The following TNRC18 variants were observed in gnomAD, a reference collection of about 807,000 sequenced individuals.
TNRC18 encodes the protein trinucleotide repeat containing 18, also known as trinucleotide repeat-containing gene 18 protein.
A neutral mutation model predicts 226.7 loss-of-function variants in TNRC18; 69 were observed. That is an observed-to-expected ratio of 0.30 (90% CI 0.25 to 0.37). The LOEUF is 0.37. Ranked by LOEUF, TNRC18 falls within the 10% of genes least tolerant of loss-of-function variation. TNRC18 has a pLI of 1.00. For synonymous variants in TNRC18, 2,449 were observed against 1,927.6 expected, an observed-to-expected ratio of 1.27 and a Z score of -7.09; for missense variants, 4,754 against 4,256.6, an observed-to-expected ratio of 1.12 and a Z score of -3.25.
intron 18 of TNRC18, among the ~76,000 whole-genome samples, chr7:5,334,870 T>C (rs77232191): frequency 0.025 from 3,733 of 152,200 alleles, 93 homozygotes; most frequent in Admixed American, 0.07. Context: ...CCCTGCACCC[T>C]CTACCCTGGC....
intron 15 of TNRC18, among the ~76,000 whole-genome samples, chr7:5,357,516 T>C (rs1792572029): frequency 6.6e-6 from 1 of 152,060 alleles, no homozygotes; most frequent in Admixed American, 6.6e-5. Context: ...GGTCCAAGCA[T>C]TTCTCCTGCC....
rs1319180321 is a variant in TNRC18 at position 5,389,463 on chromosome 7, T to TTTTTTGTTTTTTTTTTGTTTGTTTG, written c.488-128_488-127insCAAACAAACAAAAAAAAAACAAAAA. 4.7e-6 allele frequency: 5 copies of TTTTTTGTTTTTTTTTTGTTTGTTTG among 1,068,444 alleles called. No homozygotes were observed. The East Asian group carries it at 2.2e-4, about 46-fold the overall frequency. 66.2% of individuals were successfully genotyped at this position (1,068,444 alleles called of 1,614,324 possible). A position where few individuals can be genotyped will look rare whatever the true frequency, so the allele number is the denominator to read the frequency against. On this transcript the variant is annotated intron_variant, in intron 4 of 29. Transcript: ENST00000430969. ...CCTCCCCCAGTGTTTTGGTTTTGGTTTTTTTTTTCAGAAAGAGTCTCGCTC... is the reference window on the plus strand; with the variant it reads ...CCTCCCCCAGTGTTTTGGTTTTGGTTTTTTTGTTTTTTTTTTGTTTGTTTGTTTTTTTTCAGAAAGAGTCTCGCTC...
chr7:5,373,275 G>A (rs1372542216), intron 10 of TNRC18, among the ~76,000 whole-genome samples: 2 of 152,178 alleles, frequency 1.3e-5, no homozygotes, highest in African/African-American at 4.8e-5. Flanking sequence ...AGTGAGCTGT[G>A]ATTGTACCAC....
intron 2 of TNRC18, among the ~76,000 whole-genome samples, chr7:5,414,326 T>C (rs1156367029): frequency 6.6e-6 from 1 of 150,920 alleles, no homozygotes; most frequent in Admixed American, 6.6e-5. Flanking sequence ...TTTATAGATA[T>C]AAAATAGATA....
rs565041989 is a variant in TNRC18 at position 5,345,538 on chromosome 7, C to T, written c.5719+24G>A. Reference sequence around the variant, plus strand: ...GTCCGCCCCTCCCACCCACCCCCACCGCAGCCCACCTGCTGCCACTTACCC... The same window carrying T: ...GTCCGCCCCTCCCACCCACCCCCACTGCAGCCCACCTGCTGCCACTTACCC... On this transcript the variant is annotated intron_variant, in intron 18 of 29. Coordinates refer to ENST00000430969, the MANE Select transcript of TNRC18 (RefSeq NM_001080495.3). 4.2e-4 allele frequency: 564 copies of T among 1,358,180 alleles called. 5 individuals carry two copies. The South Asian group carries it at 8.3e-3, about 20-fold the overall frequency. The allele number at this position is 1,358,180 out of a possible 1,614,324, so 84.1% of individuals were successfully genotyped here. A position where few individuals can be genotyped will look rare whatever the true frequency, so the allele number is the denominator to read the frequency against.
In TNRC18 at chr7:5,342,685, A is replaced by T. The variant is rs148048415; in HGVS notation, c.5719+2877T>A. On this transcript the variant is annotated intron_variant, in intron 18 of 29. Coordinates refer to ENST00000430969, the MANE Select transcript of TNRC18 (RefSeq NM_001080495.3). ...ATCTACTCCTGGTGAAGATGCTGTG[A>T]ACACTGTTGAAATGACAAAGGATTT... 2.6e-3 allele frequency among the ~76,000 whole-genome samples: 394 copies of T among 152,348 alleles called. 3 individuals are homozygous for T. The highest frequency in any genetic ancestry group is 9.1e-3 in the African/African-American group (380 of 41,592).
intron 15 of TNRC18, among the ~76,000 whole-genome samples, chr7:5,358,360 A>G (rs1310658679): frequency 6.6e-6 from 1 of 152,226 alleles, no homozygotes; most frequent in Non-Finnish European, 1.5e-5. Context: ...ATCAGGTGAC[A>G]TTTCTTAAGG....
chr7:5,321,062 AC>A lies in TNRC18; in HGVS notation c.6560+10del, dbSNP rs1409946504. 1.2e-5 allele frequency: 19 copies of A among 1,530,706 alleles called. No homozygotes were observed. The highest frequency in any genetic ancestry group is 1.6e-5 in the Non-Finnish European group (18 of 1,131,634). The allele number at this position is 1,530,706 out of a possible 1,614,324, so 94.8% of individuals were successfully genotyped here. On this transcript the variant is annotated intron_variant, in intron 22 of 29. Coordinates refer to ENST00000430969, the MANE Select transcript of TNRC18 (RefSeq NM_001080495.3). ...CACGGGGCTCTGTGCCGGACCTCCCACCCCACTCACATGTCTGGCGAGTGCA... is the reference window on the plus strand; with the variant it reads ...CACGGGGCTCTGTGCCGGACCTCCCACCCACTCACATGTCTGGCGAGTGCA...
In TNRC18 at chr7:5,309,133, T is replaced by C; in HGVS notation, c.8624A>G (p.Gln2875Arg). 6.2e-6 allele frequency: 10 copies of C among 1,607,226 alleles called. No homozygotes were observed. The highest frequency in any genetic ancestry group is 8.5e-6 in the Non-Finnish European group (10 of 1,177,636). Residue 2875 changes from glutamine (Q) to arginine (R), a missense_variant and splice_region_variant, in exon 28 of 30, where the codon CAG becomes CGG. Coordinates refer to ENST00000430969, the MANE Select transcript of TNRC18 (RefSeq NM_001080495.3). This position sits in a 1 kb window ranked among gnomAD's most constrained non-coding sequence, Gnocchi z 5.7. ...GCCGCAGCCGGGCCGCAGGCTCACC[T>C]GGCCCTGGTGGAACTGCTTGCCCGG... ...TSPGKQFHQG[Q>R]HWDQKSSRSL...
Position 5,332,673 on chromosome 7 carries a change from CA to C in TNRC18, c.6095del (p.Leu2032ArgfsTer51). 6.5e-7 allele frequency: 1 copy of C among 1,530,380 alleles called. No individual in the cohort carries two copies. The allele number at this position is 1,530,380 out of a possible 1,614,324, so 94.8% of individuals were successfully genotyped here. Reference sequence around the variant, plus strand: ...CACGCCCGGCGTCCTTGCGCGGGCTCAGGGGGCCGCCCTTGGCGCAGCGGCT... The same window carrying C: ...CACGCCCGGCGTCCTTGCGCGGGCTCGGGGGCCGCCCTTGGCGCAGCGGCT... ...KTSRCAKGGP[L>X]SPRKDAGRAK... On this transcript the variant is annotated frameshift_variant, in exon 19 of 30. Coordinates refer to ENST00000430969, the MANE Select transcript of TNRC18 (RefSeq NM_001080495.3). LOFTEE classifies it high-confidence loss of function.
chr7:5,411,296 T>C (rs999274045), intron 2 of TNRC18, among the ~76,000 whole-genome samples: 4 of 149,768 alleles, frequency 2.7e-5, no homozygotes, highest in African/African-American at 9.9e-5. Flanking sequence ...CAATCAAAAA[T>C]GGCATCATAT....
intron 18 of TNRC18, among the ~76,000 whole-genome samples, chr7:5,343,096 G>A (rs1246751806): frequency 6.6e-6 from 1 of 152,188 alleles, no homozygotes; most frequent in Admixed American, 6.6e-5. Context: ...GCTCACACCT[G>A]GAATCCCAGC....
intron 21 of TNRC18, among the ~76,000 whole-genome samples, chr7:5,323,311 C>T (rs1406368074): frequency 3.3e-5 from 5 of 151,968 alleles, no homozygotes; most frequent in Non-Finnish European, 7.4e-5. Flanking sequence ...TCTCCCTGAC[C>T]CGGGTCTCAG....
chr7:5,400,260 T>G (rs1780991470), intron 2 of TNRC18, among the ~76,000 whole-genome samples: 1 of 152,078 alleles, frequency 6.6e-6, no homozygotes. Flanking sequence ...AAGCACCTAC[T>G]ACAAGGTCAG....
In TNRC18 at chr7:5,388,074, C is replaced by A. The variant is rs755047608; in HGVS notation, c.1750G>T (p.Ala584Ser). 2 of 1,556,204 alleles carry A rather than the reference C, an allele frequency of 1.3e-6. No individual in the cohort carries two copies. Among genetic ancestry groups the A allele is most frequent in the Non-Finnish European group, 1.7e-6 (2 of 1,150,532 alleles). The change falls in exon 5 of 30, where the codon GCC becomes TCC. Residue 584 changes from alanine (A) to serine (S), a missense_variant. Physicochemically the swap from Ala to Ser is moderately conservative, Grantham distance 99 (BLOSUM62 1). Coordinates refer to ENST00000430969, the MANE Select transcript of TNRC18 (RefSeq NM_001080495.3). ...CTGTACTTTATAAGGCTCTGCATGG[C>A]CGAGGCCTCTCCAGACCCGTGGGCC... ...SAAHGSGEAS[A>S]MQSLIKYSGS...
intron 17 of TNRC18, among the ~76,000 whole-genome samples, chr7:5,347,335 C>T (rs886315509): frequency 6.6e-5 from 10 of 151,048 alleles, no homozygotes; most frequent in African/African-American, 2.4e-4. Flanking sequence ...TACAGGCGCC[C>T]ACCACCACAC....
intron 16 of TNRC18, 30 bp from the exon 17 acceptor site, chr7:5,352,124 A>T: frequency 6.4e-7 from 1 of 1,571,270 alleles, no homozygotes; most frequent in Non-Finnish European, 8.6e-7. Context: ...TAATAGAGAT[A>T]AGTCACAGGG....
At chr7:5,329,682 C>CAAAAAAAAA (rs10628315) in intron 19 of TNRC18, among the ~76,000 whole-genome samples, 1 of 45,756 alleles carries the variant, frequency 2.2e-5, no homozygotes, top group African/African-American at 9.4e-5. Context: ...GACTCCGTCT[C>CAAAAAAAAA]AAAAAAAAAA....
chr7:5,362,724 G>C lies in TNRC18; in HGVS notation c.4321C>G (p.Leu1441Val), dbSNP rs775537445. Reference sequence around the variant, plus strand: ...TCCCGCGGGAGCCGCAGGTTCTTGAGTGGGTCCACCACGGGCCCATCCAGC... The same window carrying C: ...TCCCGCGGGAGCCGCAGGTTCTTGACTGGGTCCACCACGGGCCCATCCAGC... ...EVLDGPVVDP[L>V]KNLRLPRELK... The change falls in exon 12 of 30, where the codon CTC (leucine) becomes GTC (valine). Residue 1441 changes from leucine (L) to valine (V), a missense_variant. Transcript: ENST00000430969. 4.4e-6 allele frequency: 7 copies of C among 1,578,104 alleles called. No individual in the cohort carries two copies. The highest frequency in any genetic ancestry group is 6.0e-6 in the Non-Finnish European group (7 of 1,162,634).
Sources: allele counts gnomAD v4.1 joint callset (sites outside exome capture counted in the v4.1 genomes callset), GRCh38; gene constraint gnomAD v4.1.1; non-coding constraint Gnocchi (gnomAD v3.1); transcripts MANE v1.5; gene names NCBI Gene and HGNC (gene_info 2026-07-23, HGNC 2026-07-21).